Variants in SLIT2 observed in about 807,000 individuals in gnomAD.
SLIT2 encodes slit guidance ligand 2, also known as slit homolog 2 protein.
A neutral mutation model predicts 185.7 loss-of-function variants in SLIT2; 41 were observed. That is an observed-to-expected ratio of 0.22 (90% CI 0.17 to 0.29). The LOEUF is 0.29. Ranked by LOEUF, SLIT2 falls within the 10% of genes least tolerant of loss-of-function variation. The pLI, the probability that SLIT2 is intolerant of heterozygous loss-of-function variation, is 1.00. For synonymous variants in SLIT2, 693 were observed against 680.2 expected, an observed-to-expected ratio of 1.02 and a Z score of -0.29; for missense variants, 1,571 against 1,909.0, an observed-to-expected ratio of 0.82 and a Z score of 3.30.
intron 4 of SLIT2, among the ~76,000 whole-genome samples, chr4:20,354,636 A>G (rs1722153632): frequency 6.6e-6 from 1 of 152,132 alleles, no homozygotes; most frequent in African/African-American, 2.4e-5. Context: ...TTAAAAACTG[A>G]CTATATTTTT....
intron 12 of SLIT2, among the ~76,000 whole-genome samples, chr4:20,521,610 G>C (rs1428400636): frequency 6.6e-6 from 1 of 152,164 alleles, no homozygotes; most frequent in Non-Finnish European, 1.5e-5. Flanking sequence ...CATTACTTGA[G>C]TTGTGGCCCA....
intron 4 of SLIT2, among the ~76,000 whole-genome samples, chr4:20,356,085 GT>G (rs1188156242): frequency 1.3e-5 from 2 of 152,216 alleles, no homozygotes; most frequent in African/African-American, 4.8e-5. Context: ...ATCATTCAGT[GT>G]TTGTTTTTAG....
At chr4:20,309,001 C>A (rs1422354399) in intron 4 of SLIT2, among the ~76,000 whole-genome samples, 1 of 151,842 alleles carries the variant, frequency 6.6e-6, no homozygotes, top group African/African-American at 2.4e-5. Context: ...TTATGCCATT[C>A]CTAAGGTATT....
In SLIT2 at chr4:20,490,089, A is replaced by T. The variant is rs373445359; in HGVS notation, c.775+1107A>T. ...GGCAACAGAGTGAGACTCTGTCTCA[A>T]AAAATAAATAAATCAATAAAATAAA... On this transcript the variant is annotated intron_variant, in intron 8 of 36. Coordinates refer to ENST00000504154, the MANE Select transcript of SLIT2 (RefSeq NM_004787.4). 2.0e-5 allele frequency: 3 copies of T among 152,284 alleles called. No homozygotes were observed. In the East Asian group the frequency reaches 5.8e-4, roughly 29 times the overall value. 9.4% of individuals were successfully genotyped at this position (152,284 alleles called of 1,614,324 possible).
chr4:20,339,814 A>AT (rs781122529), intron 4 of SLIT2, among the ~76,000 whole-genome samples: 1 of 152,094 alleles, frequency 6.6e-6, no homozygotes, highest in Non-Finnish European at 1.5e-5. Context: ...AAGCAGTGTG[A>AT]TTTAAAAAAA....
intron 5 of SLIT2, among the ~76,000 whole-genome samples, chr4:20,472,286 A>G (rs370928675): frequency 6.8e-5 from 1 of 14,694 alleles, no homozygotes; most frequent in East Asian, 4.2e-3. Context: ...CTATATATAT[A>G]GATATATAGA....
At chr4:20,547,756 A>G (rs920508552) in intron 22 of SLIT2, among the ~76,000 whole-genome samples, 9 of 151,130 alleles carry the variant, frequency 6.0e-5, no homozygotes, top group African/African-American at 2.2e-4. Context: ...TATATACACT[A>G]TATATATAAT....
At chr4:20,327,126 T>C (rs1435149334) in intron 4 of SLIT2, among the ~76,000 whole-genome samples, 1 of 151,992 alleles carries the variant, frequency 6.6e-6, no homozygotes, top group African/African-American at 2.4e-5. Flanking sequence ...CATATGGCTT[T>C]AATTATCAAG....
intron 4 of SLIT2, among the ~76,000 whole-genome samples, chr4:20,358,388 C>G (rs1436994350): frequency 6.6e-6 from 1 of 152,040 alleles, no homozygotes; most frequent in East Asian, 1.9e-4. Flanking sequence ...AATTGTGGGC[C>G]AAAAGTTACA....
At chr4:20,293,054 T>C (rs1024823191) in intron 4 of SLIT2, among the ~76,000 whole-genome samples, 3 of 152,138 alleles carry the variant, frequency 2.0e-5, no homozygotes, top group Non-Finnish European at 4.4e-5. Context: ...AAAGTCTGTA[T>C]AGAAAGAGGG....
intron 4 of SLIT2, among the ~76,000 whole-genome samples, chr4:20,363,604 A>T (rs932695474): frequency 1.3e-5 from 2 of 152,100 alleles, no homozygotes; most frequent in African/African-American, 2.4e-5. Flanking sequence ...TAATATTTTT[A>T]AAAACTGCAG....
At chr4:20,516,457 C>T (rs1007715641) in intron 11 of SLIT2, among the ~76,000 whole-genome samples, 2 of 152,138 alleles carry the variant, frequency 1.3e-5, no homozygotes, top group Non-Finnish European at 2.9e-5. Context: ...ATGATATTAT[C>T]CACATCCCTC....
chr4:20,278,036 T>A (rs2109048204), intron 4 of SLIT2, among the ~76,000 whole-genome samples: 1 of 152,128 alleles, frequency 6.6e-6, no homozygotes, highest in South Asian at 2.1e-4. Flanking sequence ...AGTTTACATC[T>A]TTTTTATTCC....
chr4:20,289,368 T>G (rs1285550406), intron 4 of SLIT2, among the ~76,000 whole-genome samples: 1 of 152,192 alleles, frequency 6.6e-6, no homozygotes, highest in East Asian at 1.9e-4. Context: ...CAAGCCCAGC[T>G]TGCTTTTTGA....
rs267600122 is a variant in SLIT2 at position 20,491,834 on chromosome 4, C to T, written c.849C>T (p.Ile283=). ...CPAACTCSNN[I]VDCRGKGLTE... is the part of the protein sequence containing the mutation. Reference sequence around the variant, plus strand: ...CCGCCTGTACCTGTAGCAACAATATCGTAGACTGTCGTGGGAAAGGTCTCA... The same window carrying T: ...CCGCCTGTACCTGTAGCAACAATATTGTAGACTGTCGTGGGAAAGGTCTCA... The change falls in exon 9 of 37, where the codon ATC becomes ATT. Residue 283 remains isoleucine, a synonymous_variant. Coordinates refer to ENST00000504154, the MANE Select transcript of SLIT2 (RefSeq NM_004787.4). 8.2e-5 allele frequency: 133 copies of T among 1,613,738 alleles called. No individual in the cohort carries two copies. Among genetic ancestry groups the T allele is most frequent in the East Asian group, 1.3e-4 (6 of 44,868 alleles).
chr4:20,308,153 A>T (rs55643621), intron 4 of SLIT2, among the ~76,000 whole-genome samples: 28,629 of 152,148 alleles, frequency 0.19, 3,398 homozygotes, highest in Middle Eastern at 0.31. Context: ...GGACTTGGGA[A>T]GTGATGGGGC....
intron 4 of SLIT2, among the ~76,000 whole-genome samples, chr4:20,436,505 C>A (rs1191273247): frequency 6.6e-6 from 1 of 152,132 alleles, no homozygotes; most frequent in Non-Finnish European, 1.5e-5. Flanking sequence ...AACTTATTAC[C>A]CAGAGTGGCT....
chr4:20,463,529 G>GTA (rs1714005257), intron 4 of SLIT2, among the ~76,000 whole-genome samples: 1 of 142,636 alleles, frequency 7.0e-6, no homozygotes, highest in African/African-American at 2.6e-5. Flanking sequence ...GTGTGTGTGT[G>GTA]TGTGTGTGTG....
intron 4 of SLIT2, among the ~76,000 whole-genome samples, chr4:20,287,720 C>T (rs1476039434): frequency 6.6e-6 from 1 of 152,232 alleles, no homozygotes; most frequent in South Asian, 2.1e-4. Flanking sequence ...GTGAGTATAT[C>T]CCTATCTCTC....
Sources: gnomAD v4.1 joint callset for allele counts (sites outside exome capture counted in the v4.1 genomes callset) on GRCh38, gnomAD v4.1.1 for gene constraint, MANE v1.5 for transcripts, NCBI Gene and HGNC (gene_info 2026-07-23, HGNC 2026-07-21) for gene names.